DERA: variants seen among roughly 807,000 people sequenced by gnomAD.
DERA encodes deoxyribose-phosphate aldolase.
DERA carries 15 observed loss-of-function variants against 41.1 expected under a neutral mutation model. The ratio of observed to expected loss-of-function variants is 0.37; its 90% CI spans 0.24 to 0.56. DERA has a LOEUF of 0.56. Among genes scored for constraint, DERA ranks in the 20% least tolerant of loss-of-function variants. DERA has a pLI of 0.81. For synonymous variants in DERA, 139 were observed against 137.4 expected (o/e 1.01, Z -0.08); for missense variants, 396 against 403.4 (o/e 0.98, Z 0.16).
rs1948942143 is a variant in DERA at position 16,010,778 on chromosome 12, A to T, written c.638-21764A>T. Among the ~76,000 whole-genome samples the T allele has an allele frequency of 6.6e-6, 1 of 152,054 alleles. No homozygotes were observed. The highest frequency in any genetic ancestry group is 1.5e-5 in the Non-Finnish European group (1 of 68,014). On this transcript the variant is annotated intron_variant, in intron 6 of 8. Transcript: ENST00000428559. The surrounding 1 kb of genome is among the most constrained non-coding windows in gnomAD (Gnocchi z 5.5). ...ATGGATCTGCTAATGGGAAGCACAT[A>T]CGTCTCCAGGTACAGTGAAATAATC...
Position 15,957,774 on chromosome 12 carries a change from T to A in DERA, c.130-414T>A, listed in dbSNP as rs1013956967. 1.3e-5 allele frequency among the ~76,000 whole-genome samples: 2 copies of A among 152,196 alleles called. No homozygotes were observed. The highest frequency in any genetic ancestry group is 6.5e-5 in the Admixed American group (1 of 15,282). ...AAACACCAAAAAACTTGGAAACTTT[T>A]AAAAATGATAATCTCATCCCAGATC... On this transcript the variant is annotated intron_variant, in intron 2 of 8. Transcript: ENST00000428559. This position sits in a 1 kb window ranked among gnomAD's most constrained non-coding sequence, Gnocchi z 4.8.
chr12:15,945,241 A>C (rs879561199), intron 1 of DERA, among the ~76,000 whole-genome samples: 21 of 152,128 alleles, frequency 1.4e-4, no homozygotes, highest in Non-Finnish European at 2.6e-4. Context: ...ATGAACTTTC[A>C]AGTAGTTTTT....
At chr12:15,956,903 A>G (rs755232499) in intron 1 of DERA, 33 bp from the exon 2 acceptor site, 2 of 1,480,412 alleles carry the variant, frequency 1.4e-6, no homozygotes, top group East Asian at 4.5e-5. Flanking sequence ...ATGAAACTTT[A>G]GGTTTCAGAA....
chr12:16,026,240 C>A lies in DERA; in HGVS notation c.638-6302C>A, dbSNP rs1245340814. Among the ~76,000 whole-genome samples the A allele has an allele frequency of 6.6e-6, 1 of 150,934 alleles. No homozygotes were observed. The highest frequency in any genetic ancestry group is 2.4e-5 in the African/African-American group (1 of 41,072). On this transcript the variant is annotated intron_variant, in intron 6 of 8. Coordinates refer to ENST00000428559, the MANE Select transcript of DERA (RefSeq NM_015954.4). This position sits in a 1 kb window ranked among gnomAD's most constrained non-coding sequence, Gnocchi z 4.4. ...CAGAGAAATTTTTTTTTTTAAATAT[C>A]CTAAAAGCTACTTTTTTTTTTCTCC...
At chr12:15,978,922 T>G (rs762004397) in intron 5 of DERA, among the ~76,000 whole-genome samples, 12 of 152,188 alleles carry the variant, frequency 7.9e-5, no homozygotes, top group African/African-American at 1.2e-4. Context: ...TGTTTGAAAA[T>G]AACTCCGTGA....
In DERA at chr12:15,915,870, A is replaced by G. The variant is rs1254841378; in HGVS notation, c.31+4456A>G. 6.6e-6 allele frequency among the ~76,000 whole-genome samples: 1 copy of G among 152,206 alleles called. No homozygotes were observed. Among genetic ancestry groups the G allele is most frequent in the African/African-American group, 2.4e-5 (1 of 41,468 alleles). ...AGTTTTAAGTAACCTGCCGAAAACC[A>G]GTTAGGTATAGCTAATGTGGCAGAG... On this transcript the variant is annotated intron_variant, in intron 1 of 8. Coordinates refer to ENST00000428559, the MANE Select transcript of DERA (RefSeq NM_015954.4). This position sits in a 1 kb window ranked among gnomAD's most constrained non-coding sequence, Gnocchi z 4.8.
At chr12:15,919,686 A>C (rs12310229) in intron 1 of DERA, among the ~76,000 whole-genome samples, 23,123 of 152,156 alleles carry the variant, frequency 0.15, 2,255 homozygotes, top group Admixed American at 0.22. Context: ...CCAGCAAACT[A>C]TACAGATTTT....
chr12:16,007,184 T>G (rs1252337686), intron 6 of DERA, among the ~76,000 whole-genome samples: 1 of 148,454 alleles, frequency 6.7e-6, no homozygotes, highest in Non-Finnish European at 1.5e-5. Flanking sequence ...TGTTTTTTTT[T>G]TTTTGTTTTT....
In DERA at chr12:15,911,765, T is replaced by TA. The variant is rs756410774; in HGVS notation, c.31+356dup. 1.1e-5 allele frequency: 6 copies of TA among 563,244 alleles called. No individual in the cohort carries two copies. The highest frequency in any genetic ancestry group is 9.2e-5 in the South Asian group (6 of 65,524). 34.9% of individuals were successfully genotyped at this position (563,244 alleles called of 1,614,324 possible). On this transcript the variant is annotated intron_variant, in intron 1 of 8. Coordinates refer to ENST00000428559, the MANE Select transcript of DERA (RefSeq NM_015954.4). The surrounding 1 kb of genome is among the most constrained non-coding windows in gnomAD (Gnocchi z 4.5). ...CAACCCCCAAGCAGGTAAAAACAGA[T>TA]AAAAACCTTCTTTCTCCTCCTTTTA...
intron 1 of DERA, among the ~76,000 whole-genome samples, chr12:15,933,702 T>G (rs956739096): frequency 2.0e-5 from 3 of 152,192 alleles, no homozygotes; most frequent in Non-Finnish European, 2.9e-5. Flanking sequence ...CATTCCCAAA[T>G]TGGTCTTCAT....
chr12:15,965,888 C>G lies in DERA; in HGVS notation c.508+2941C>G, dbSNP rs769819752. ...GACTGTGCTGTGGCTCTCATCTCCC[C>G]CTGCATTTTCAGAAGCCCTGCTCTA... On this transcript the variant is annotated intron_variant, in intron 5 of 8. Transcript: ENST00000428559. This position sits in a 1 kb window ranked among gnomAD's most constrained non-coding sequence, Gnocchi z 4.1. 5.9e-5 allele frequency among the ~76,000 whole-genome samples: 9 copies of G among 152,124 alleles called. No homozygotes were observed. The highest frequency in any genetic ancestry group is 7.2e-5 in the African/African-American group (3 of 41,428).
Position 15,919,768 on chromosome 12 carries a change from GTC to G in DERA, c.31+8356_31+8357del, listed in dbSNP as rs1349509368. On this transcript the variant is annotated intron_variant, in intron 1 of 8. Coordinates refer to ENST00000428559, the MANE Select transcript of DERA (RefSeq NM_015954.4). ...TCAGGCCTTCCTCCCGCAAAGCAAA[GTC>G]TAAGACAAGAGTAGCTGCTGGTAGT... is the stretch of plus-strand genomic sequence containing the variant. 2.0e-5 allele frequency among the ~76,000 whole-genome samples: 3 copies of G among 152,148 alleles called. No individual in the cohort carries two copies. The East Asian group carries it at 5.8e-4, about 29-fold the overall frequency.
chr12:15,931,936 C>G lies in DERA; in HGVS notation c.31+20522C>G, dbSNP rs1311422313. Among the ~76,000 whole-genome samples the G allele has an allele frequency of 1.3e-5, 2 of 152,074 alleles. No homozygotes were observed. The highest frequency in any genetic ancestry group is 4.8e-5 in the African/African-American group (2 of 41,378). ...TGCTACCTTTCACGTGTCCGCTTCCCCTTTGACCTTTTGCCATGTTATGAC... is the reference window on the plus strand; with the variant it reads ...TGCTACCTTTCACGTGTCCGCTTCCGCTTTGACCTTTTGCCATGTTATGAC... On this transcript the variant is annotated intron_variant, in intron 1 of 8. Coordinates refer to ENST00000428559, the MANE Select transcript of DERA (RefSeq NM_015954.4). The surrounding 1 kb of genome is among the most constrained non-coding windows in gnomAD (Gnocchi z 4.6).
In DERA at chr12:15,918,273, G is replaced by C. The variant is rs1375884505; in HGVS notation, c.31+6859G>C. Among the ~76,000 whole-genome samples the C allele has an allele frequency of 6.6e-6, 1 of 152,164 alleles. No individual in the cohort carries two copies. On this transcript the variant is annotated intron_variant, in intron 1 of 8. Transcript: ENST00000428559. This position sits in a 1 kb window ranked among gnomAD's most constrained non-coding sequence, Gnocchi z 4.3. ...CCCTGTTACCTTAGTGTGGGGCTGT[G>C]GACCTCTGTGCCCGGCCGCCTCGCC...
chr12:16,035,397 C>A lies in DERA; in HGVS notation c.751-835C>A, dbSNP rs752253526. Among the ~76,000 whole-genome samples, 20 of 152,176 alleles carry A rather than the reference C, an allele frequency of 1.3e-4. No individual in the cohort carries two copies. The highest frequency in any genetic ancestry group is 2.1e-4 in the Non-Finnish European group (14 of 68,036). On this transcript the variant is annotated intron_variant, in intron 7 of 8. Coordinates refer to ENST00000428559, the MANE Select transcript of DERA (RefSeq NM_015954.4). The surrounding 1 kb of genome is among the most constrained non-coding windows in gnomAD (Gnocchi z 4.1). ...TCAGGCTCTGAGGTGTTGTTTTGAC[C>A]ACTACCATCTACAGATTCCCAACTC...
At chr12:16,022,877 T>C (rs1459912645) in intron 6 of DERA, among the ~76,000 whole-genome samples, 1 of 152,110 alleles carries the variant, frequency 6.6e-6, no homozygotes, top group Non-Finnish European at 1.5e-5. Context: ...CCCACCAGGT[T>C]CTCACAGTGA....
intron 1 of DERA, among the ~76,000 whole-genome samples, chr12:15,914,203 A>G (rs1948183297): frequency 6.6e-6 from 1 of 152,010 alleles, no homozygotes; most frequent in Non-Finnish European, 1.5e-5. Flanking sequence ...CCAACATGGC[A>G]AAACCCTATC....
At chr12:16,034,126 GT>G (rs1188561034) in intron 7 of DERA, among the ~76,000 whole-genome samples, 1 of 152,218 alleles carries the variant, frequency 6.6e-6, no homozygotes, top group African/African-American at 2.4e-5. Context: ...ATCCCTGGTG[GT>G]TTTGGGTCTG....
In DERA at chr12:15,989,345, A is replaced by G. The variant is rs1948786661; in HGVS notation, c.637+6909A>G. Among the ~76,000 whole-genome samples the G allele has an allele frequency of 6.6e-6, 1 of 152,244 alleles. No individual in the cohort carries two copies. Among genetic ancestry groups the G allele is most frequent in the African/African-American group, 2.4e-5 (1 of 41,472 alleles). On this transcript the variant is annotated intron_variant, in intron 6 of 8. Transcript: ENST00000428559. The surrounding 1 kb of genome is among the most constrained non-coding windows in gnomAD (Gnocchi z 5.2). Reference sequence around the variant, plus strand: ...CTATTTCAAATTGGCTTTTAAGCCTATCCAGTGAAATGTATGCTGCTGTAC... The same window carrying G: ...CTATTTCAAATTGGCTTTTAAGCCTGTCCAGTGAAATGTATGCTGCTGTAC...
Sources: allele counts gnomAD v4.1 joint callset (sites outside exome capture counted in the v4.1 genomes callset), GRCh38; gene constraint gnomAD v4.1.1; non-coding constraint Gnocchi (gnomAD v3.1); transcripts MANE v1.5; gene names NCBI Gene and HGNC (gene_info 2026-07-23, HGNC 2026-07-21).